Variants in EFR3B observed in about 807,000 individuals in gnomAD.
EFR3B encodes the protein EFR3 homolog B.
Under a neutral mutation model 104.7 loss-of-function variants are expected in EFR3B, and 64 were observed. The ratio of observed to expected loss-of-function variants is 0.61; its 90% confidence interval spans 0.50 to 0.75. EFR3B has a LOEUF of 0.75. Ranked by LOEUF, EFR3B falls within the 30% of genes least tolerant of loss-of-function variation. The pLI, the probability that EFR3B is intolerant of heterozygous loss-of-function variation, is 0.00. For missense variants in EFR3B, 750 were observed against 1,078.5 expected, an observed-to-expected ratio of 0.70 and a Z score of 4.27; for synonymous variants, 385 against 417.9, an observed-to-expected ratio of 0.92 and a Z score of 0.96.
At chr2:25,067,348 C>T (rs558378838) in intron 1 of EFR3B, among the ~76,000 whole-genome samples, 12 of 152,240 alleles carry the variant, frequency 7.9e-5, no homozygotes, top group Admixed American at 6.5e-5. Flanking sequence ...TACATACACA[C>T]CCCATTGGTT....
rs902862796 is a variant in EFR3B at position 25,154,731 on chromosome 2, G to A, written c.*391G>A. ...ATGGAGACTTGGTTGGTGAGAGGAA[G>A]CTAAGGACTCTACTCCCCTGGGGAA... On this transcript the variant is annotated 3_prime_UTR_variant, in exon 23 of 23. Coordinates refer to ENST00000403714, the MANE Select transcript of EFR3B (RefSeq NM_014971.2). This position sits in a 1 kb window ranked among gnomAD's most constrained non-coding sequence, Gnocchi z 4.1. 2.8e-5 allele frequency: 5 copies of A among 176,614 alleles called. No homozygotes were observed. Among genetic ancestry groups the A allele is most frequent in the Admixed American group, 1.2e-4 (2 of 16,312 alleles). 10.9% of individuals were successfully genotyped at this position (176,614 alleles called of 1,614,324 possible).
At chr2:25,135,911 T>C (rs1023052511) in intron 13 of EFR3B, among the ~76,000 whole-genome samples, 1 of 151,320 alleles carries the variant, frequency 6.6e-6, no homozygotes, top group Non-Finnish European at 1.5e-5. Flanking sequence ...AGATAGAGAG[T>C]AGGCATTAAA....
chr2:25,092,045 C>T (rs73920649), intron 2 of EFR3B, among the ~76,000 whole-genome samples: 2,544 of 151,628 alleles, frequency 0.017, 68 homozygotes, highest in African/African-American at 0.055. Context: ...GTCTTGGTGC[C>T]GGCTATCCAA....
intron 4 of EFR3B, among the ~76,000 whole-genome samples, chr2:25,105,307 C>T (rs1344976757): frequency 6.6e-6 from 1 of 152,118 alleles, no homozygotes; most frequent in East Asian, 1.9e-4. Context: ...CATACACCAC[C>T]ACACCTGGCT....
chr2:25,136,542 G>C lies in EFR3B; in HGVS notation c.1504G>C (p.Val502Leu). The C allele has an allele frequency of 6.4e-7, 1 of 1,551,506 alleles. No homozygotes were observed. Among genetic ancestry groups the C allele is most frequent in the Non-Finnish European group, 8.7e-7 (1 of 1,146,916 alleles). The change falls in exon 14 of 23, where the codon GTC (valine) becomes CTC (leucine). Residue 502 changes from valine to leucine, a missense_variant. Physicochemically the swap from Val to Leu is conservative, Grantham distance 32 (BLOSUM62 1). Transcript: ENST00000403714. The surrounding 1 kb of genome is among the most constrained non-coding windows in gnomAD (Gnocchi z 4.0). ...STISTLSDIS[V>L]LKLKVDKCSR... Reference sequence around the variant, plus strand: ...TCCCAGTACCCTCAGTGACATCTCTGTCCTGAAGCTGAAAGTGGACAAGTG... The same window carrying C: ...TCCCAGTACCCTCAGTGACATCTCTCTCCTGAAGCTGAAAGTGGACAAGTG...
rs1199877921 is a variant in EFR3B, at chr2:25,131,973, G to GAGGGT, written c.1147+66_1147+67insTAGGG. On this transcript the variant is annotated intron_variant, in intron 10 of 22. Transcript: ENST00000403714. The surrounding 1 kb of genome is among the most constrained non-coding windows in gnomAD (Gnocchi z 7.6). ...GAGGCGCGGAGTGGGGAGGGGAGGG[G>GAGGGT]AGGGACGGGACGGGGCCCAGGGGCT... The GAGGGT allele has an allele frequency of 6.4e-6, 4 of 624,210 alleles. No individual in the cohort carries two copies. In the East Asian group the frequency reaches 2.1e-4, roughly 33 times the overall value. The allele number at this position is 624,210 out of a possible 1,614,324, so 38.7% of individuals were successfully genotyped here.
intron 4 of EFR3B, among the ~76,000 whole-genome samples, chr2:25,109,869 T>C (rs929213971): frequency 6.6e-6 from 1 of 152,236 alleles, no homozygotes; most frequent in Non-Finnish European, 1.5e-5. Context: ...TTTACTTCAA[T>C]TTTTTAAAAA....
chr2:25,043,132 C>T (rs571468466), intron 1 of EFR3B, among the ~76,000 whole-genome samples: 1 of 152,252 alleles, frequency 6.6e-6, no homozygotes, highest in Admixed American at 6.5e-5. Context: ...AGACCTAGAC[C>T]AGTCTAGGAA....
chr2:25,049,560 A>T (rs1436594075), intron 1 of EFR3B, among the ~76,000 whole-genome samples: 1 of 152,230 alleles, frequency 6.6e-6, no homozygotes, highest in African/African-American at 2.4e-5. Context: ...TGCACGGTGG[A>T]ATGGAGTTAC....
chr2:25,129,862 C>T, intron 6 of EFR3B, 113 bp from the exon 7 acceptor site: 1 of 1,409,826 alleles, frequency 7.1e-7, no homozygotes, highest in Non-Finnish European at 9.5e-7. Context: ...CTAGTGCAAC[C>T]CATGTCAAAT....
chr2:25,130,473 C>T lies in EFR3B; in HGVS notation c.771-79C>T. 1.6e-6 allele frequency: 2 copies of T among 1,276,630 alleles called. No homozygotes were observed. Among genetic ancestry groups the T allele is most frequent in the Non-Finnish European group, 2.2e-6 (2 of 896,362 alleles). The allele number at this position is 1,276,630 out of a possible 1,614,324, so 79.1% of individuals were successfully genotyped here. A position where few individuals can be genotyped will look rare whatever the true frequency, so the allele number is the denominator to read the frequency against. On this transcript the variant is annotated intron_variant, in intron 7 of 22. Coordinates refer to ENST00000403714, the MANE Select transcript of EFR3B (RefSeq NM_014971.2). The surrounding 1 kb of genome is among the most constrained non-coding windows in gnomAD (Gnocchi z 4.6). ...TGCGAGGGGCTCTGAGAAGGTGTCC[C>T]TCTGCCTCCAAGCTAATCTCTTCTC...
intron 2 of EFR3B, 28 bp from the exon 3 acceptor site, chr2:25,092,975 A>C (rs1383143619): frequency 6.5e-7 from 1 of 1,540,000 alleles, no homozygotes; most frequent in Non-Finnish European, 8.7e-7. Context: ...GTGTGGCCAT[A>C]GTGAGCACAA....
intron 5 of EFR3B, among the ~76,000 whole-genome samples, chr2:25,123,393 T>G (rs1249915288): frequency 6.6e-6 from 1 of 151,416 alleles, no homozygotes; most frequent in Non-Finnish European, 1.5e-5. Flanking sequence ...ACAAAGAAAT[T>G]AAAATGAATA....
intron 5 of EFR3B, among the ~76,000 whole-genome samples, chr2:25,123,929 T>C (rs1573219457): frequency 6.6e-6 from 1 of 152,198 alleles, no homozygotes; most frequent in South Asian, 2.1e-4. Context: ...TGAGGTTGGC[T>C]CCCAGCCACC....
At position 25,137,744 on chromosome 2, in the gene EFR3B, C is replaced by T. The variant is rs1008534723; in HGVS notation, c.1722+242C>T. Among the ~76,000 whole-genome samples the T allele has an allele frequency of 1.3e-5, 2 of 152,150 alleles. No individual in the cohort carries two copies. The highest frequency in any genetic ancestry group is 4.8e-5 in the African/African-American group (2 of 41,418). The stretch of plus-strand genomic sequence containing the variant: ...TTAAGCTAAAGAAGACCCAGGGAAC[C>T]GGGTCGTTCAGAAACATCCCTTAGC... On this transcript the variant is annotated intron_variant, in intron 15 of 22. Transcript: ENST00000403714. The surrounding 1 kb of genome is among the most constrained non-coding windows in gnomAD (Gnocchi z 4.7).
intron 1 of EFR3B, among the ~76,000 whole-genome samples, chr2:25,055,588 TAA>T (rs1252872203): frequency 6.6e-6 from 1 of 152,226 alleles, no homozygotes; most frequent in Non-Finnish European, 1.5e-5. Flanking sequence ...TAGCTATTCA[TAA>T]AGACTTCTTT....
rs1671107058 is a variant in EFR3B, at chr2:25,154,529, C to G, written c.*189C>G. On this transcript the variant is annotated 3_prime_UTR_variant, in exon 23 of 23. Transcript: ENST00000403714. This position sits in a 1 kb window ranked among gnomAD's most constrained non-coding sequence, Gnocchi z 4.1. Reference sequence around the variant, plus strand: ...GGCCCTCCTACCTCCTCCTCGTCTTCCCTGAGGGAGGTCTCACCAATCAGC... The same window carrying G: ...GGCCCTCCTACCTCCTCCTCGTCTTGCCTGAGGGAGGTCTCACCAATCAGC... 1 of 576,124 alleles carries G rather than the reference C, an allele frequency of 1.7e-6. No individual in the cohort carries two copies. Among genetic ancestry groups the G allele is most frequent in the African/African-American group, 1.9e-5 (1 of 52,800 alleles). 35.7% of individuals were successfully genotyped at this position (576,124 alleles called of 1,614,324 possible). A position where few individuals can be genotyped will look rare whatever the true frequency, so the allele number is the denominator to read the frequency against.
At chr2:25,129,331 C>CGGGGGCGGGGGT (rs1558613587) in intron 6 of EFR3B, among the ~76,000 whole-genome samples, 3 of 47,050 alleles carry the variant, frequency 6.4e-5, no homozygotes, top group East Asian at 7.9e-4. Flanking sequence ...GGGGCGGGGG[C>CGGGGGCGGGGGT]GGGGGCGGGG....
chr2:25,148,908 C>T (rs1340284280), intron 19 of EFR3B, among the ~76,000 whole-genome samples: 2 of 109,190 alleles, frequency 1.8e-5, no homozygotes, highest in Non-Finnish European at 1.7e-5. Context: ...GGTGACAGAG[C>T]GAGACTCCGT....
Sources: gnomAD v4.1 joint callset for allele counts (sites outside exome capture counted in the v4.1 genomes callset) on GRCh38, gnomAD v4.1.1 for gene constraint, Gnocchi (gnomAD v3.1) non-coding constraint, MANE v1.5 for transcripts, NCBI Gene and HGNC (gene_info 2026-07-23, HGNC 2026-07-21) for gene names.